Variants in TP73 observed in about 807,000 individuals in gnomAD.
TP73 encodes the protein p53-like transcription factor.
In TP73, 25 loss-of-function variants were observed where a neutral mutation model predicts 62.5. The ratio of observed to expected loss-of-function variants is 0.40; its 90% CI spans 0.29 to 0.56. The LOEUF (loss-of-function observed/expected upper bound fraction) is 0.56, where lower values mean the gene tolerates loss of function less well. Ranked by LOEUF, TP73 falls within the 20% of genes least tolerant of loss-of-function variation. TP73 has a pLI of 0.46. For synonymous variants in TP73, 423 were observed against 377.5 expected, an observed-to-expected ratio of 1.12 and a Z score of -1.40; for missense variants, 754 against 913.3, an observed-to-expected ratio of 0.83 and a Z score of 2.25.
At chr1:3,680,659 C>A (rs1464650794) in intron 1 of TP73, among the ~76,000 whole-genome samples, 1 of 152,228 alleles carries the variant, frequency 6.6e-6, no homozygotes, top group Non-Finnish European at 1.5e-5. Flanking sequence ...AGGGACCCAC[C>A]GTGGGGTATG....
chr1:3,684,180 T>TGGACTC (rs1557507164), intron 3 of TP73, among the ~76,000 whole-genome samples: 3 of 152,232 alleles, frequency 2.0e-5, no homozygotes, highest in African/African-American at 7.2e-5. Flanking sequence ...CCGTCCCCGC[T>TGGACTC]GGACTCGTCA....
intron 4 of TP73, 139 bp downstream of exon 4, chr1:3,707,930 A>C: frequency 7.3e-7 from 1 of 1,378,930 alleles, no homozygotes; most frequent in Non-Finnish European, 9.7e-7. Flanking sequence ...GGCCAGGAGG[A>C]GCATCGGGCA....
At chr1:3,703,970 G>C (rs1484445931) in intron 3 of TP73, among the ~76,000 whole-genome samples, 1 of 152,242 alleles carries the variant, frequency 6.6e-6, no homozygotes, top group East Asian at 1.9e-4. Context: ...ACCACGGAGA[G>C]GGGAGGGTGG....
intron 4 of TP73, among the ~76,000 whole-genome samples, chr1:3,718,194 G>A (rs1364705004): frequency 6.6e-6 from 1 of 152,206 alleles, no homozygotes; most frequent in Non-Finnish European, 1.5e-5. Context: ...AGCTCCCGGC[G>A]CGCCCAAGCT....
intron 13 of TP73, 115 bp downstream of exon 13, chr1:3,731,671 C>T: frequency 1.1e-6 from 1 of 946,082 alleles, no homozygotes; most frequent in Non-Finnish European, 1.6e-6. Context: ...GAAACCCTTT[C>T]CCACGGGCAA....
chr1:3,732,708 T>C, intron 13 of TP73, 39 bp from the exon 14 acceptor site: 9 of 1,526,360 alleles, frequency 5.9e-6, no homozygotes, highest in Non-Finnish European at 7.9e-6. Flanking sequence ...CTCTCCCTGC[T>C]CCACTGCCCC....
Position 3,699,132 on chromosome 1 carries a change from A to G in TP73, c.187-8417A>G, listed in dbSNP as rs1360716659. ...GGTGCTGTGTGCACATTGTCGGGAG[A>G]GGGAGGCTTCCCCCCAGCCGCATGT... On this transcript the variant is annotated intron_variant, in intron 3 of 13. Transcript: ENST00000378295. This position sits in a 1 kb window ranked among gnomAD's most constrained non-coding sequence, Gnocchi z 4.1. Among the ~76,000 whole-genome samples, 2 of 151,264 alleles carry G rather than the reference A, an allele frequency of 1.3e-5. No individual in the cohort carries two copies. The highest frequency in any genetic ancestry group is 1.5e-5 in the Non-Finnish European group (1 of 67,976).
At chr1:3,710,497 C>T (rs962513625) in intron 4 of TP73, among the ~76,000 whole-genome samples, 13 of 152,252 alleles carry the variant, frequency 8.5e-5, no homozygotes, top group African/African-American at 2.9e-4. Context: ...TGCTTGCGTC[C>T]GGCCTCTGCA....
Position 3,699,677 on chromosome 1 carries a change from T to C in TP73, c.187-7872T>C, listed in dbSNP as rs1170225711. Among the ~76,000 whole-genome samples the C allele has an allele frequency of 6.6e-6, 1 of 152,158 alleles. No homozygotes were observed. Among genetic ancestry groups the C allele is most frequent in the African/African-American group, 2.4e-5 (1 of 41,444 alleles). ...CGTCTGGAGCTCCCGGTTCCTGTCC[T>C]AGTTGAACAGAATGAATGAGAGTGC... On this transcript the variant is annotated intron_variant, in intron 3 of 13. Coordinates refer to ENST00000378295, the MANE Select transcript of TP73 (RefSeq NM_005427.4). This position sits in a 1 kb window ranked among gnomAD's most constrained non-coding sequence, Gnocchi z 4.1.
intron 3 of TP73, among the ~76,000 whole-genome samples, chr1:3,706,409 C>T (rs1352383032): frequency 7.6e-5 from 11 of 144,010 alleles, no homozygotes; most frequent in African/African-American, 2.9e-4. Context: ...ACGGTGCCCG[C>T]CGCAGGCCCG....
rs1490513344 is a variant in TP73 at position 3,663,293 on chromosome 1, C to T, written c.-34+10652C>T. ...ATGAAAGACAAGTTAACAAGAGGGC[C>T]GTGCAGGCTTATTTACGAGAAGTTC... On this transcript the variant is annotated intron_variant, in intron 1 of 13. Coordinates refer to ENST00000378295, the MANE Select transcript of TP73 (RefSeq NM_005427.4). The surrounding 1 kb of genome is among the most constrained non-coding windows in gnomAD (Gnocchi z 4.7). Among the ~76,000 whole-genome samples, 1 of 152,174 alleles carries T rather than the reference C, an allele frequency of 6.6e-6. No individual in the cohort carries two copies. The highest frequency in any genetic ancestry group is 2.1e-4 in the South Asian group (1 of 4,832).
At chr1:3,693,267 G>T (rs1638233002) in intron 3 of TP73, among the ~76,000 whole-genome samples, 1 of 152,188 alleles carries the variant, frequency 6.6e-6, no homozygotes, top group African/African-American at 2.4e-5. Flanking sequence ...GTGGTATTTG[G>T]CCCAAAGGGT....
chr1:3,707,535 CT>C lies in TP73; in HGVS notation c.187-11del. The stretch of plus-strand genomic sequence containing the variant: ...TGTGTGTTTCCCCCTCCCTCCTCCC[CT>C]TTCCCGCGCCAGGCCCAGTTCAATC... On this transcript the variant is annotated splice_polypyrimidine_tract_variant and intron_variant, in intron 3 of 13. Coordinates refer to ENST00000378295, the MANE Select transcript of TP73 (RefSeq NM_005427.4). 6.2e-7 allele frequency: 1 copy of C among 1,600,410 alleles called. No individual in the cohort carries two copies. The highest frequency in any genetic ancestry group is 8.5e-7 in the Non-Finnish European group (1 of 1,169,884).
chr1:3,701,122 C>G lies in TP73; in HGVS notation c.187-6427C>G, dbSNP rs1639130073. On this transcript the variant is annotated intron_variant, in intron 3 of 13. Transcript: ENST00000378295. The surrounding 1 kb of genome is among the most constrained non-coding windows in gnomAD (Gnocchi z 4.7). ...CGTGGATTTCAGGGTCTGTTTCATC[C>G]AACCAAGAGTTTCTGAGCGTCCTGT... is the stretch of plus-strand genomic sequence containing the variant. Among the ~76,000 whole-genome samples the G allele has an allele frequency of 6.6e-6, 1 of 152,222 alleles. No homozygotes were observed. Among genetic ancestry groups the G allele is most frequent in the Non-Finnish European group, 1.5e-5 (1 of 68,044 alleles).
chr1:3,731,354 G>A lies in TP73; in HGVS notation c.1485-109G>A, dbSNP rs565911991. ...CACCTGTGGGCTGGAGCCACCCTTCGGAGACAGCGGCAGTCTCCGCCCCAG... is the reference window on the plus strand; with the variant it reads ...CACCTGTGGGCTGGAGCCACCCTTCAGAGACAGCGGCAGTCTCCGCCCCAG... On this transcript the variant is annotated intron_variant, in intron 12 of 13. Coordinates refer to ENST00000378295, the MANE Select transcript of TP73 (RefSeq NM_005427.4). 34 of 1,177,328 alleles carry A rather than the reference G, an allele frequency of 2.9e-5. 1 individual carries two copies. Among genetic ancestry groups the A allele is most frequent in the African/African-American group, 2.6e-4 (17 of 66,478 alleles). 72.9% of individuals were successfully genotyped at this position (1,177,328 alleles called of 1,614,324 possible).
rs1033208143 is a variant in TP73 at position 3,663,511 on chromosome 1, C to T, written c.-34+10870C>T. ...CGGGCGGATCACTAGGTCAGGAGAT[C>T]GAGACTATACTGGCTCACACGGTGA... On this transcript the variant is annotated intron_variant, in intron 1 of 13. Transcript: ENST00000378295. The surrounding 1 kb of genome is among the most constrained non-coding windows in gnomAD (Gnocchi z 4.7). 4.6e-5 allele frequency among the ~76,000 whole-genome samples: 7 copies of T among 151,952 alleles called. No homozygotes were observed. Among genetic ancestry groups the T allele is most frequent in the Admixed American group, 3.3e-4 (5 of 15,272 alleles).
chr1:3,697,653 G>A (rs1638789418), intron 3 of TP73, among the ~76,000 whole-genome samples: 1 of 152,226 alleles, frequency 6.6e-6, no homozygotes. Flanking sequence ...TCCTGCACCT[G>A]GGAGGGTGCT....
At chr1:3,712,684 C>T (rs1054133515) in intron 4 of TP73, among the ~76,000 whole-genome samples, 1 of 152,172 alleles carries the variant, frequency 6.6e-6, no homozygotes, top group African/African-American at 2.4e-5. Context: ...TGGGGACAGC[C>T]CTGTGGACCC....
At position 3,701,222 on chromosome 1, in the gene TP73, C is replaced by T. The variant is rs527534764; in HGVS notation, c.187-6327C>T. ...TGTGAGCACCTGCCCCCGAGAGCACCTGCTCTTCCCCATCCGTCCCTGTGC... is the reference window on the plus strand; with the variant it reads ...TGTGAGCACCTGCCCCCGAGAGCACTTGCTCTTCCCCATCCGTCCCTGTGC... On this transcript the variant is annotated intron_variant, in intron 3 of 13. Coordinates refer to ENST00000378295, the MANE Select transcript of TP73 (RefSeq NM_005427.4). The surrounding 1 kb of genome is among the most constrained non-coding windows in gnomAD (Gnocchi z 4.7). Among the ~76,000 whole-genome samples, 20 of 152,306 alleles carry T rather than the reference C, an allele frequency of 1.3e-4. 1 individual carries two copies. The highest frequency in any genetic ancestry group is 9.7e-4 in the East Asian group (5 of 5,180).
Sources: allele counts gnomAD v4.1 joint callset (sites outside exome capture counted in the v4.1 genomes callset), GRCh38; gene constraint gnomAD v4.1.1; non-coding constraint Gnocchi (gnomAD v3.1); transcripts MANE v1.5; gene names NCBI Gene and HGNC (gene_info 2026-07-23, HGNC 2026-07-21).